The following IL1RAPL1 variants were observed in gnomAD, a reference collection of about 807,000 sequenced individuals.
IL1RAPL1 encodes interleukin-1 receptor accessory protein-like 1.
IL1RAPL1 carries 3 observed loss-of-function variants against 48.4 expected under a neutral mutation model. That is an observed-to-expected ratio of 0.06 (90% CI 0.03 to 0.16). IL1RAPL1 has a LOEUF of 0.16. Among genes scored for constraint, IL1RAPL1 ranks in the 10% least tolerant of loss-of-function variants. The pLI is 1.00. For synonymous variants in IL1RAPL1, 185 were observed against 187.7 expected (o/e 0.99, Z 0.12); for missense variants, 349 against 530.6 (o/e 0.66, Z 3.36).
At chrX:29,376,151 A>T (rs1424158276) in intron 3 of IL1RAPL1, among the ~76,000 whole-genome samples, 1 of 111,213 alleles carries the variant, frequency 9.0e-6, no homozygotes, top group Non-Finnish European at 1.9e-5. Flanking sequence ...TTAGGTACAA[A>T]GTTAGATGAT....
At position 29,956,711 on chromosome X, in the gene IL1RAPL1, CAAA is replaced by C. The variant is rs1181399252; in HGVS notation, c.*896_*898del. On this transcript the variant is annotated 3_prime_UTR_variant, in exon 11 of 11. Transcript: ENST00000378993. ...TATATATAAAAACAACAAAACAAAA[CAAA>C]AAAAGAAAAAAAAACAAAAAACAAA... The C allele has an allele frequency of 2.0e-5, 1 of 49,815 alleles. No homozygotes were observed. The highest frequency in any genetic ancestry group is 4.0e-5 in the Non-Finnish European group (1 of 25,009). 4.1% of individuals were successfully genotyped at this position (49,815 alleles called of 1,213,427 possible). A position where few individuals can be genotyped will look rare whatever the true frequency, so the allele number is the denominator to read the frequency against.
chrX:28,754,597 T>G (rs1289800685), intron 1 of IL1RAPL1, among the ~76,000 whole-genome samples: 1 of 112,320 alleles, frequency 8.9e-6, no homozygotes, highest in Non-Finnish European at 1.9e-5. Context: ...CTGGGGACCA[T>G]TCCCATCCAT....
chrX:29,354,350 T>A (rs1401305227), intron 3 of IL1RAPL1, among the ~76,000 whole-genome samples: 1 of 111,807 alleles, frequency 8.9e-6, no homozygotes, highest in Non-Finnish European at 1.9e-5. Flanking sequence ...AAACCATTAG[T>A]ATCCAACACT....
chrX:29,136,753 A>G (rs899338465), intron 2 of IL1RAPL1, among the ~76,000 whole-genome samples: 1 of 111,938 alleles, frequency 8.9e-6, no homozygotes. Context: ...ATTTGCTTTG[A>G]TTATTCAGTA....
intron 5 of IL1RAPL1, among the ~76,000 whole-genome samples, chrX:29,500,280 C>A (rs973453035): frequency 8.9e-5 from 10 of 112,356 alleles, no homozygotes; most frequent in Non-Finnish European, 1.7e-4. Flanking sequence ...CGTGCCCAGC[C>A]AGAATTATTC....
At position 28,659,284 on chromosome X, in the gene IL1RAPL1, A is replaced by G. The variant is rs1417306252; in HGVS notation, c.-25+71237A>G. 21 of 558,730 alleles carry G rather than the reference A, an allele frequency of 3.8e-5. No homozygotes were observed. The East Asian group carries it at 5.7e-4, about 15-fold the overall frequency. 46.0% of individuals were successfully genotyped at this position (558,730 alleles called of 1,213,427 possible). On this transcript the variant is annotated intron_variant, in intron 1 of 10. Transcript: ENST00000378993. The stretch of plus-strand genomic sequence containing the variant: ...CCAAACGCTGGACGGGAAGTTTGTG[A>G]ATCAGAAGTTCAGTGGACTTCTGAT...
At chrX:28,873,969 G>GT (rs1416681054) in intron 2 of IL1RAPL1, among the ~76,000 whole-genome samples, 1 of 88,555 alleles carries the variant, frequency 1.1e-5, no homozygotes, top group Non-Finnish European at 2.1e-5. Flanking sequence ...TGCTTCTCCA[G>GT]TAAAAAAAAA....
intron 2 of IL1RAPL1, among the ~76,000 whole-genome samples, chrX:29,156,524 C>T (rs749204663): frequency 1.8e-5 from 2 of 111,924 alleles, no homozygotes; most frequent in South Asian, 7.4e-4. Context: ...TTATCTTTAG[C>T]GATTCCTTTC....
In IL1RAPL1 at chrX:29,368,679, T is replaced by C. The variant is rs748428281; in HGVS notation, c.363-27579T>C. Among the ~76,000 whole-genome samples the C allele has an allele frequency of 3.8e-5, 4 of 105,203 alleles. No homozygotes were observed. The South Asian group carries it at 1.4e-3, about 37-fold the overall frequency. 91.4% of individuals were successfully genotyped at this position (105,203 alleles called of 115,157 possible). Reference sequence around the variant, plus strand: ...CCTGGGCTCAAGTTATCCTCCCACATTGGTCTTCCAACATGCTGGAATTAC... The same window carrying C: ...CCTGGGCTCAAGTTATCCTCCCACACTGGTCTTCCAACATGCTGGAATTAC... On this transcript the variant is annotated intron_variant, in intron 3 of 10. Transcript: ENST00000378993.
intron 2 of IL1RAPL1, among the ~76,000 whole-genome samples, chrX:29,259,644 C>A (rs756348611): frequency 9.0e-6 from 1 of 110,931 alleles, no homozygotes; most frequent in East Asian, 2.8e-4. Flanking sequence ...AACAAAATTT[C>A]AAAGTTGTAT....
At chrX:29,184,650 G>C (rs1276828986) in intron 2 of IL1RAPL1, among the ~76,000 whole-genome samples, 1 of 110,549 alleles carries the variant, frequency 9.0e-6, no homozygotes, top group Non-Finnish European at 1.9e-5. Flanking sequence ...ACAGGCTCAT[G>C]CCACCACACA....
rs146663714 is a variant in IL1RAPL1, at chrX:29,495,039, A to G, written c.703+95731A>G. Among the ~76,000 whole-genome samples, 1,106 of 112,115 alleles carry G rather than the reference A, an allele frequency of 9.9e-3. 12 individuals are homozygous for G. Among genetic ancestry groups the G allele is most frequent in the African/African-American group, 0.035 (1,066 of 30,896 alleles). On this transcript the variant is annotated intron_variant, in intron 5 of 10. Coordinates refer to ENST00000378993, the MANE Select transcript of IL1RAPL1 (RefSeq NM_014271.4). ...AATTAAGGTCTACTGGGACTCTGGT[A>G]CACTGCAAAACATAAACACTATTCT...
At chrX:29,883,207 A>C (rs1176088363) in intron 6 of IL1RAPL1, among the ~76,000 whole-genome samples, 1 of 110,869 alleles carries the variant, frequency 9.0e-6, no homozygotes, top group East Asian at 2.8e-4. Flanking sequence ...GATATAATGA[A>C]GCTGATTATA....
chrX:28,741,580 A>G (rs1239641217), intron 1 of IL1RAPL1, among the ~76,000 whole-genome samples: 2 of 111,984 alleles, frequency 1.8e-5, no homozygotes, highest in South Asian at 3.6e-4. Context: ...TTAGATGGAC[A>G]AACAGACTAT....
intron 6 of IL1RAPL1, among the ~76,000 whole-genome samples, chrX:29,881,550 T>A (rs927941753): frequency 9.0e-6 from 1 of 110,826 alleles, no homozygotes; most frequent in African/African-American, 3.3e-5. Flanking sequence ...ATTTTGTAAA[T>A]TTTAATTTTT....
chrX:29,224,380 T>TA lies in IL1RAPL1; in HGVS notation c.83-58547dup, dbSNP rs1200948662. On this transcript the variant is annotated intron_variant, in intron 2 of 10. Transcript: ENST00000378993. ...TCAGACTGGCTATGTGATGGAAAAG[T>TA]AAAAAAAAAAAGATGACTTTTGTCC... Among the ~76,000 whole-genome samples the TA allele has an allele frequency of 3.4e-3, 350 of 104,163 alleles. 1 individual carries two copies. The highest frequency in any genetic ancestry group is 5.7e-3 in the Non-Finnish European group (285 of 50,354). 90.5% of individuals were successfully genotyped at this position (104,163 alleles called of 115,157 possible). A position where few individuals can be genotyped will look rare whatever the true frequency, so the allele number is the denominator to read the frequency against.
intron 1 of IL1RAPL1, among the ~76,000 whole-genome samples, chrX:28,762,786 G>GCGCA (rs1366464632): frequency 1.8e-3 from 114 of 62,960 alleles, no homozygotes; most frequent in Non-Finnish European, 2.1e-3. Flanking sequence ...GCACGCGCGC[G>GCGCA]CACACACACA....
rs760093652 is a variant in IL1RAPL1, at chrX:29,550,353, G to A, written c.704-118077G>A. Among the ~76,000 whole-genome samples, 6 of 110,444 alleles carry A rather than the reference G, an allele frequency of 5.4e-5. No individual in the cohort carries two copies. The South Asian group carries it at 2.3e-3, about 43-fold the overall frequency. On this transcript the variant is annotated intron_variant, in intron 5 of 10. Transcript: ENST00000378993. ...ACTACAGGCGCCCGCCACCACGCCC[G>A]GCTAATTCTTTTTTGTATTTTTAGT...
At chrX:29,258,224 A>G (rs1245189189) in intron 2 of IL1RAPL1, among the ~76,000 whole-genome samples, 1 of 111,568 alleles carries the variant, frequency 9.0e-6, no homozygotes, top group Non-Finnish European at 1.9e-5. Context: ...AAAAAAATGC[A>G]TGTAGCAAAA....
Sources: gnomAD v4.1 joint callset for allele counts (sites outside exome capture counted in the v4.1 genomes callset) on GRCh38, gnomAD v4.1.1 for gene constraint, MANE v1.5 for transcripts, NCBI Gene and HGNC (gene_info 2026-07-23, HGNC 2026-07-21) for gene names.